The following ADGRB3 variants were observed in gnomAD, a reference collection of about 807,000 sequenced individuals.
The protein encoded by ADGRB3 is brain-specific angiogenesis inhibitor 3.
A neutral mutation model predicts 193.4 loss-of-function variants in ADGRB3; 37 were observed. The observed-to-expected ratio is 0.19, with a 90% CI of 0.15 to 0.25. ADGRB3 has a LOEUF of 0.25. ADGRB3 is among the 10% of genes least tolerant of loss of function. ADGRB3 has a pLI of 1.00. For missense variants in ADGRB3, 1,637 were observed against 1,852.9 expected, an observed-to-expected ratio of 0.88 and a Z score of 2.14; for synonymous variants, 690 against 644.2, an observed-to-expected ratio of 1.07 and a Z score of -1.08.
chr6:68,736,555 A>T (rs1185417617), intron 3 of ADGRB3, among the ~76,000 whole-genome samples: 1 of 152,086 alleles, frequency 6.6e-6, no homozygotes, highest in Non-Finnish European at 1.5e-5. Context: ...AGATCTCTGG[A>T]TGGATAACAG....
intron 17 of ADGRB3, among the ~76,000 whole-genome samples, chr6:69,210,172 A>AC (rs1765632892): frequency 1.5e-5 from 2 of 134,268 alleles, no homozygotes; most frequent in Non-Finnish European, 3.2e-5. Flanking sequence ...ATATATATAA[A>AC]GGGGAGTTTA....
chr6:68,669,398 C>A (rs1000369664), intron 3 of ADGRB3, among the ~76,000 whole-genome samples: 2 of 151,156 alleles, frequency 1.3e-5, no homozygotes, highest in Non-Finnish European at 2.9e-5. Context: ...TCCCCCACTA[C>A]CCTTCCCTGC....
chr6:68,794,637 C>G (rs1014438369), intron 3 of ADGRB3, among the ~76,000 whole-genome samples: 3 of 152,060 alleles, frequency 2.0e-5, no homozygotes, highest in Non-Finnish European at 2.9e-5. Flanking sequence ...TGACAATTAC[C>G]ACCTTTACAA....
At chr6:69,301,032 C>T (rs964453463) in intron 20 of ADGRB3, among the ~76,000 whole-genome samples, 8 of 151,560 alleles carry the variant, frequency 5.3e-5, no homozygotes, top group Non-Finnish European at 8.9e-5. Context: ...TGCACAGGTC[C>T]ACTTATAAGT....
In ADGRB3 at chr6:69,219,748, G is replaced by A. The variant is rs371424707; in HGVS notation, c.2481-13542G>A. 2.6e-4 allele frequency among the ~76,000 whole-genome samples: 40 copies of A among 151,752 alleles called. No homozygotes were observed. The South Asian group carries it at 8.3e-3, about 32-fold the overall frequency. ...TTCAGTATCTATGTGGATTATTAAT[G>A]CTCACATCTTAGAGAAAACTTGAGC... On this transcript the variant is annotated intron_variant, in intron 17 of 31. Coordinates refer to ENST00000370598, the MANE Select transcript of ADGRB3 (RefSeq NM_001704.3).
chr6:69,085,398 T>C (rs1342602717), intron 17 of ADGRB3, among the ~76,000 whole-genome samples: 1 of 152,082 alleles, frequency 6.6e-6, no homozygotes. Context: ...TTAATGGGTA[T>C]AGTATTAATA....
chr6:69,164,549 G>T (rs1257331975), intron 17 of ADGRB3, among the ~76,000 whole-genome samples: 1 of 151,954 alleles, frequency 6.6e-6, no homozygotes, highest in Non-Finnish European at 1.5e-5. Context: ...CTCTGAGCAG[G>T]GTCTTGTTAT....
intron 3 of ADGRB3, among the ~76,000 whole-genome samples, chr6:68,703,951 A>G (rs1045456779): frequency 6.6e-6 from 1 of 152,152 alleles, no homozygotes; most frequent in African/African-American, 2.4e-5. Flanking sequence ...TCATTGATAG[A>G]TGTTTCTGCA....
chr6:69,382,135 A>T (rs1769962450), intron 30 of ADGRB3, among the ~76,000 whole-genome samples: 1 of 151,886 alleles, frequency 6.6e-6, no homozygotes, highest in Non-Finnish European at 1.5e-5. Flanking sequence ...GATGAGGAGT[A>T]TGAATATATT....
chr6:68,726,682 T>C (rs942663605), intron 3 of ADGRB3, among the ~76,000 whole-genome samples: 4 of 151,748 alleles, frequency 2.6e-5, no homozygotes, highest in Middle Eastern at 3.4e-3. Flanking sequence ...CCTAGAGCTA[T>C]AGAATTTTTG....
At chr6:68,974,914 A>G (rs1768698741) in intron 9 of ADGRB3, 50 bp downstream of exon 9, 3 of 1,467,894 alleles carry the variant, frequency 2.0e-6, no homozygotes, top group Non-Finnish European at 2.9e-6. Context: ...CCATCCAAGA[A>G]CAGCATGCAG....
At chr6:68,787,322 C>A (rs1488313621) in intron 3 of ADGRB3, among the ~76,000 whole-genome samples, 4 of 152,140 alleles carry the variant, frequency 2.6e-5, no homozygotes, top group Non-Finnish European at 5.9e-5. Context: ...TTTTGAGATA[C>A]ATCTCATCAA....
chr6:69,323,711 C>T (rs1277815699), intron 20 of ADGRB3, among the ~76,000 whole-genome samples: 1 of 152,010 alleles, frequency 6.6e-6, no homozygotes, highest in Non-Finnish European at 1.5e-5. Flanking sequence ...TTTACACAAC[C>T]TGGTGGATAA....
intron 17 of ADGRB3, among the ~76,000 whole-genome samples, chr6:69,209,856 C>T (rs1765618376): frequency 6.6e-6 from 1 of 151,972 alleles, no homozygotes; most frequent in East Asian, 1.9e-4. Context: ...CAGGATAAAT[C>T]AAATTCATTT....
intron 20 of ADGRB3, among the ~76,000 whole-genome samples, chr6:69,260,811 T>C (rs1054445481): frequency 3.9e-5 from 6 of 152,162 alleles, no homozygotes; most frequent in African/African-American, 1.2e-4. Flanking sequence ...GCCATTGTAG[T>C]TTTTCACAGT....
intron 3 of ADGRB3, among the ~76,000 whole-genome samples, chr6:68,922,496 CT>C (rs1454885996): frequency 6.6e-6 from 1 of 152,242 alleles, no homozygotes; most frequent in African/African-American, 2.4e-5. Flanking sequence ...GTTACTCAGA[CT>C]CGTGCATGTG....
chr6:69,099,818 C>T (rs1315835348), intron 17 of ADGRB3, among the ~76,000 whole-genome samples: 1 of 152,176 alleles, frequency 6.6e-6, no homozygotes, highest in Non-Finnish European at 1.5e-5. Context: ...AATCATTCCT[C>T]ACCCAGTATT....
chr6:68,684,735 C>G (rs1455186466), intron 3 of ADGRB3, among the ~76,000 whole-genome samples: 1 of 152,010 alleles, frequency 6.6e-6, no homozygotes, highest in African/African-American at 2.4e-5. Context: ...ACTAGCTATA[C>G]ATAAATAGAT....
chr6:68,915,621 G>A (rs140825850), intron 3 of ADGRB3, among the ~76,000 whole-genome samples: 103 of 152,224 alleles, frequency 6.8e-4, no homozygotes, highest in African/African-American at 2.3e-3. Context: ...TTGTAGTTTT[G>A]GAGAACTAAA....
Sources: allele counts gnomAD v4.1 joint callset (sites outside exome capture counted in the v4.1 genomes callset), GRCh38; gene constraint gnomAD v4.1.1; transcripts MANE v1.5; gene names NCBI Gene and HGNC (gene_info 2026-07-23, HGNC 2026-07-21).